PRDM2: variants seen among roughly 807,000 people sequenced by gnomAD.
The protein encoded by PRDM2 is PR/SET domain 2.
A neutral mutation model predicts 130.0 loss-of-function variants in PRDM2; 30 were observed. The observed-to-expected ratio is 0.23, with a 90% CI of 0.17 to 0.31. The LOEUF (loss-of-function observed/expected upper bound fraction) is 0.31, where lower values mean the gene tolerates loss of function less well. Among genes scored for constraint, PRDM2 ranks in the 10% least tolerant of loss-of-function variants. The probability of loss-of-function intolerance (pLI) is 1.00; values close to 1 mark genes in which losing one functional copy is unlikely to be tolerated. For missense variants in PRDM2, 2,011 were observed against 2,108.4 expected, an observed-to-expected ratio of 0.95 and a Z score of 0.90; for synonymous variants, 871 against 782.4, an observed-to-expected ratio of 1.11 and a Z score of -1.89.
At chr1:13,795,458 C>T (rs1301929675) in intron 8 of PRDM2, among the ~76,000 whole-genome samples, 1 of 152,178 alleles carries the variant, frequency 6.6e-6, no homozygotes, top group Non-Finnish European at 1.5e-5. Flanking sequence ...TGAGTTTGTG[C>T]TACCTCTCGT....
intron 2 of PRDM2, among the ~76,000 whole-genome samples, chr1:13,728,892 C>T (rs1473188001): frequency 6.6e-6 from 1 of 152,002 alleles, no homozygotes; most frequent in Non-Finnish European, 1.5e-5. Flanking sequence ...GTGGGAGTGA[C>T]CATTCCTGCC....
At chr1:13,784,967 T>C (rs964118282) in intron 8 of PRDM2, among the ~76,000 whole-genome samples, 2 of 152,244 alleles carry the variant, frequency 1.3e-5, no homozygotes, top group African/African-American at 2.4e-5. Flanking sequence ...AAGATAGATT[T>C]TGACTATCTG....
intron 8 of PRDM2, among the ~76,000 whole-genome samples, chr1:13,799,401 C>T (rs1391116025): frequency 2.0e-5 from 3 of 150,880 alleles, no homozygotes; most frequent in South Asian, 2.1e-4. Context: ...GCTGAGATCG[C>T]GCCATTGCAC....
intron 6 of PRDM2, chr1:13,769,108 T>C (rs1644299621): frequency 2.0e-6 from 2 of 983,292 alleles, no homozygotes; most frequent in Non-Finnish European, 2.4e-6. Flanking sequence ...CATTCCTCTT[T>C]CTTGTCTAGA....
intron 8 of PRDM2, chr1:13,787,461 C>T: frequency 1.0e-6 from 1 of 985,300 alleles, no homozygotes; most frequent in East Asian, 1.1e-4. Context: ...AGGTTTTATT[C>T]ATACTGTTTT....
intron 8 of PRDM2, among the ~76,000 whole-genome samples, chr1:13,783,529 C>T (rs1644669672): frequency 6.6e-6 from 1 of 152,152 alleles, no homozygotes; most frequent in South Asian, 2.1e-4. Flanking sequence ...GCATGTCAGC[C>T]TCATTTGTCA....
At position 13,752,796 on chromosome 1, in the gene PRDM2, C is replaced by T. The variant is rs964461307; in HGVS notation, c.511+3309C>T. On this transcript the variant is annotated intron_variant, in intron 6 of 9. Transcript: ENST00000311066. ...GATGCCTGGGCGTTTACCAGGTGTG[C>T]GATCTTGGACAGCTCATGTCACCTT... Among the ~76,000 whole-genome samples, 5 of 152,148 alleles carry T rather than the reference C, an allele frequency of 3.3e-5. No individual in the cohort carries two copies. In the East Asian group the frequency reaches 5.8e-4, roughly 18 times the overall value.
intron 1 of PRDM2, among the ~76,000 whole-genome samples, chr1:13,702,514 C>T (rs1218182494): frequency 1.3e-5 from 2 of 152,106 alleles, no homozygotes; most frequent in African/African-American, 4.8e-5. Flanking sequence ...CTTGCGGGTG[C>T]AGTCATAAGA....
Position 13,823,282 on chromosome 1 carries a change from T to C in PRDM2, c.*147T>C. 1 of 1,326,766 alleles carries C rather than the reference T, an allele frequency of 7.5e-7. No homozygotes were observed. Among genetic ancestry groups the C allele is most frequent in the Non-Finnish European group, 1.1e-6 (1 of 932,868 alleles). 82.2% of individuals were successfully genotyped at this position (1,326,766 alleles called of 1,614,324 possible). A position where few individuals can be genotyped will look rare whatever the true frequency, so the allele number is the denominator to read the frequency against. On this transcript the variant is annotated 3_prime_UTR_variant, in exon 10 of 10. Coordinates refer to ENST00000311066, the MANE Select transcript of PRDM2 (RefSeq NM_001393986.1). ...GGGAGTGCATGTGCGCGCGTGCATG[T>C]GTGCGTGCGTGTGTGTTCACGTGTT...
chr1:13,780,297 T>C lies in PRDM2; in HGVS notation c.2502T>C (p.Ala834=), dbSNP rs777428970. ...LDLSSGVKQK[A]EGTGKTPVQW... is the part of the protein sequence containing the mutation. ...TATCCAGCGGTGTCAAACAGAAGGC[T>C]GAGGGTACAGGCAAGACTCCAGTCC... The change falls in exon 8 of 10, where the codon GCT becomes GCC. Residue 834 remains alanine (A), a synonymous_variant. Transcript: ENST00000311066. The C allele has an allele frequency of 5.6e-6, 9 of 1,614,014 alleles. No individual in the cohort carries two copies. In the Admixed American group the frequency reaches 1.5e-4, roughly 27 times the overall value.
In PRDM2 at chr1:13,731,919, G is replaced by C. The variant is rs577771704; in HGVS notation, c.127+802G>C. Among the ~76,000 whole-genome samples the C allele has an allele frequency of 9.9e-5, 15 of 152,220 alleles. No individual in the cohort carries two copies. The South Asian group carries it at 3.1e-3, about 32-fold the overall frequency. ...TTGAACATATTGTTCAAATGAAAGT[G>C]GTTGATTTTATAGCTCAACTGATTG... On this transcript the variant is annotated intron_variant, in intron 3 of 9. Coordinates refer to ENST00000311066, the MANE Select transcript of PRDM2 (RefSeq NM_001393986.1).
rs1207860159 is a variant in PRDM2, at chr1:13,787,007, T to C, written c.5036+4176T>C. 7 of 986,106 alleles carry C rather than the reference T, an allele frequency of 7.1e-6. No homozygotes were observed. The African/African-American group carries it at 1.0e-4, about 15-fold the overall frequency. 61.1% of individuals were successfully genotyped at this position (986,106 alleles called of 1,614,324 possible). On this transcript the variant is annotated intron_variant, in intron 8 of 9. Coordinates refer to ENST00000311066, the MANE Select transcript of PRDM2 (RefSeq NM_001393986.1). Reference sequence around the variant, plus strand: ...TGATGCCTTTCTTTTAAATTAATTATAGACAGAGAGAGGCATTTAGCTGAT... The same window carrying C: ...TGATGCCTTTCTTTTAAATTAATTACAGACAGAGAGAGGCATTTAGCTGAT...
chr1:13,748,070 T>A (rs776329035), intron 5 of PRDM2, among the ~76,000 whole-genome samples: 3 of 152,242 alleles, frequency 2.0e-5, no homozygotes, highest in Non-Finnish European at 2.9e-5. Context: ...TGAGCTTCTC[T>A]TATGGTTTCA....
Position 13,782,800 on chromosome 1 carries a change from G to T in PRDM2, c.5005G>T (p.Gly1669Cys), listed in dbSNP as rs1375149895. The T allele has an allele frequency of 6.2e-7, 1 of 1,608,572 alleles. No homozygotes were observed. Among genetic ancestry groups the T allele is most frequent in the Non-Finnish European group, 8.5e-7 (1 of 1,178,802 alleles). The change falls in exon 8 of 10, where the codon GGC (glycine) becomes TGC (cysteine). Residue 1669 changes from glycine (G) to cysteine (C), a missense_variant. Around this residue, in one of 5 missense-constraint regions of PRDM2, gnomAD observed 410 missense variants for 395.9 expected, o/e 1.04. Transcript: ENST00000311066. Reference protein sequence around the residue: ...ADLSENKREDGSAKQELKDFS... With the variant: ...ADLSENKREDCSAKQELKDFS... The stretch of plus-strand genomic sequence containing the variant: ...CTTGAGTGAGAACAAGAGAGAGGAC[G>T]GCAGCGCCAAGCAGGAGCTGAAGGA...
At chr1:13,714,470 G>A (rs569098200) in intron 1 of PRDM2, among the ~76,000 whole-genome samples, 1 of 152,078 alleles carries the variant, frequency 6.6e-6, no homozygotes, top group East Asian at 1.9e-4. Context: ...TAGTTCAGAC[G>A]GCCAGGCCCT....
chr1:13,806,136 C>T lies in PRDM2; in HGVS notation c.5037-10291C>T, dbSNP rs527571052. ...AGTCCCATCTCCCTTGGCCCATCTG[C>T]GGCAGTGGACGCTGTTAATCCTTCT... is the stretch of plus-strand genomic sequence containing the variant. On this transcript the variant is annotated intron_variant, in intron 8 of 9. Transcript: ENST00000311066. This position sits in a 1 kb window ranked among gnomAD's most constrained non-coding sequence, Gnocchi z 4.1. Among the ~76,000 whole-genome samples, 44 of 152,116 alleles carry T rather than the reference C, an allele frequency of 2.9e-4. No individual in the cohort carries two copies. The highest frequency in any genetic ancestry group is 4.3e-4 in the Non-Finnish European group (29 of 67,968).
At chr1:13,724,548 G>C (rs1642844297) in intron 2 of PRDM2, among the ~76,000 whole-genome samples, 2 of 147,942 alleles carry the variant, frequency 1.4e-5, no homozygotes, top group African/African-American at 5.0e-5. Flanking sequence ...AGGCTGGAGT[G>C]CAGTGGCACG....
chr1:13,751,972 TC>T, intron 6 of PRDM2, among the ~76,000 whole-genome samples: 1 of 132,752 alleles, frequency 7.5e-6, no homozygotes, highest in East Asian at 2.5e-4. Flanking sequence ...TCCCCTCCCC[TC>T]CCCTCCCCAT....
chr1:13,770,418 A>G (rs1420217329), intron 6 of PRDM2: 1 of 406,802 alleles, frequency 2.5e-6, no homozygotes, highest in Non-Finnish European at 4.8e-6. Context: ...TAGACATTTT[A>G]CTTATTTAAT....
Sources: gnomAD v4.1 joint callset for allele counts (sites outside exome capture counted in the v4.1 genomes callset) on GRCh38, gnomAD v4.1.1 for gene constraint, gnomAD v4.1.1 regional missense constraint, Gnocchi (gnomAD v3.1) non-coding constraint, MANE v1.5 for transcripts, NCBI Gene and HGNC (gene_info 2026-07-23, HGNC 2026-07-21) for gene names.